The following SLC41A3 variants were observed in gnomAD, a reference collection of about 807,000 sequenced individuals.
The protein encoded by SLC41A3 is SLC41A1-like 2.
SLC41A3 carries 44 observed loss-of-function variants against 45.4 expected under a neutral mutation model. The ratio of observed to expected loss-of-function variants is 0.97; its 90% CI spans 0.76 to 1.25. SLC41A3 has a LOEUF of 1.25. SLC41A3 is among the 50% of genes most tolerant of loss of function. The pLI, the probability that SLC41A3 is intolerant of heterozygous loss-of-function variation, is 0.00. For synonymous variants in SLC41A3, 256 were observed against 252.4 expected, an observed-to-expected ratio of 1.01 and a Z score of -0.13; for missense variants, 550 against 600.6, an observed-to-expected ratio of 0.92 and a Z score of 0.88.
intron 3 of SLC41A3, among the ~76,000 whole-genome samples, chr3:126,038,555 G>T (rs1021851430): frequency 6.6e-6 from 1 of 152,208 alleles, no homozygotes; most frequent in African/African-American, 2.4e-5. Context: ...GGGGCCTGTT[G>T]TTCCTTTCTT....
Position 126,022,886 on chromosome 3 carries a change from G to A in SLC41A3, c.645C>T (p.Val215=). The change falls in exon 6 of 11, where the codon GTC becomes GTT. Residue 215 remains valine, a synonymous_variant. Transcript: ENST00000360370. Reference sequence around the variant, plus strand: ...TGGGCGTGGCAATGTTGTCTGGGTTGACCCCGAGCTTTCGAGCACCAATCA... The same window carrying A: ...TGGGCGTGGCAATGTTGTCTGGGTTAACCCCGAGCTTTCGAGCACCAATCA... ...CIVIGARKLG[V]NPDNIATPIA... is the part of the protein sequence containing the mutation. 1 of 1,614,218 alleles carries A rather than the reference G, an allele frequency of 6.2e-7. No individual in the cohort carries two copies. The highest frequency in any genetic ancestry group is 8.5e-7 in the Non-Finnish European group (1 of 1,180,048).
intron 6 of SLC41A3, among the ~76,000 whole-genome samples, chr3:126,018,260 A>G (rs953038352): frequency 6.6e-6 from 1 of 152,218 alleles, no homozygotes; most frequent in Non-Finnish European, 1.5e-5. Context: ...AGCACACGGT[A>G]CAGCCTGGGG....
At chr3:126,070,566 T>C (rs1193395659) in intron 1 of SLC41A3, 1 of 152,158 alleles carries the variant, frequency 6.6e-6, no homozygotes, top group African/African-American at 2.4e-5. Context: ...TCATCAGAAA[T>C]AGAAGCCAGA....
At chr3:126,060,439 T>TACACACACACACACACACACAC (rs60317078) in intron 2 of SLC41A3, among the ~76,000 whole-genome samples, 18,014 of 146,076 alleles carry the variant, frequency 0.12, 1,200 homozygotes, top group Middle Eastern at 0.18. Context: ...GTGAGAAGGA[T>TACACACACACACACACACACAC]ACACACACAC....
chr3:126,020,340 T>G (rs1157859220), intron 6 of SLC41A3, among the ~76,000 whole-genome samples: 1 of 152,156 alleles, frequency 6.6e-6, no homozygotes, highest in Non-Finnish European at 1.5e-5. Flanking sequence ...GAAATGCTTT[T>G]GGGCCTTTTC....
chr3:126,056,544 G>T, intron 2 of SLC41A3: 1 of 1,613,588 alleles, frequency 6.2e-7, no homozygotes, highest in South Asian at 1.1e-5. Flanking sequence ...TCAGCTGGGT[G>T]ACCACCATGG....
At chr3:126,056,817 G>A (rs1943699700) in intron 2 of SLC41A3, 2 of 1,293,158 alleles carry the variant, frequency 1.5e-6, no homozygotes, top group Non-Finnish European at 2.0e-6. Flanking sequence ...CCTCCCTGAA[G>A]GTCAGGCTCT....
At chr3:126,057,410 G>A (rs1313604414) in intron 2 of SLC41A3, among the ~76,000 whole-genome samples, 2 of 152,220 alleles carry the variant, frequency 1.3e-5, no homozygotes, top group East Asian at 3.9e-4. Context: ...CTGGGGTTCT[G>A]TTGTTGGGTG....
At chr3:126,008,504 G>A (rs1315755523) in intron 10 of SLC41A3, among the ~76,000 whole-genome samples, 3 of 151,998 alleles carry the variant, frequency 2.0e-5, no homozygotes, top group Non-Finnish European at 4.4e-5. Context: ...GGTGTGGAGT[G>A]TGTGGGATGC....
rs564088592 is a variant in SLC41A3, at chr3:126,028,085, G to A, written c.454-1606C>T. ...TGGAAAATTTGCAGCCTGGCCATGC[G>A]GTAGAAAAGGCAAACCCACTTTCAG... On this transcript the variant is annotated intron_variant, in intron 4 of 10. Coordinates refer to ENST00000360370, the MANE Select transcript of SLC41A3 (RefSeq NM_017836.4). 3.0e-4 allele frequency among the ~76,000 whole-genome samples: 46 copies of A among 152,186 alleles called. 1 individual carries two copies. The highest frequency in any genetic ancestry group is 4.7e-4 in the Non-Finnish European group (32 of 68,030).
intron 3 of SLC41A3, among the ~76,000 whole-genome samples, chr3:126,033,919 A>C (rs1178647581): frequency 9.1e-6 from 1 of 109,974 alleles, no homozygotes; most frequent in Non-Finnish European, 1.8e-5. Flanking sequence ...TCAGTCCTCC[A>C]TGACCATGCA....
intron 3 of SLC41A3, among the ~76,000 whole-genome samples, chr3:126,044,328 GAAGA>G (rs1394914646): frequency 2.6e-5 from 4 of 152,288 alleles, no homozygotes; most frequent in African/African-American, 7.2e-5. Context: ...TGACAGAACT[GAAGA>G]AAGAAACAGA....
intron 5 of SLC41A3, among the ~76,000 whole-genome samples, chr3:126,025,996 G>A (rs1464976267): frequency 6.6e-6 from 1 of 152,228 alleles, no homozygotes; most frequent in African/African-American, 2.4e-5. Flanking sequence ...CAGGCTGACT[G>A]CACAGATGAA....
chr3:126,010,579 T>C (rs1939604118), intron 9 of SLC41A3, among the ~76,000 whole-genome samples: 1 of 152,168 alleles, frequency 6.6e-6, no homozygotes, highest in Admixed American at 6.5e-5. Context: ...CAACAAACTC[T>C]ATTCCAACAA....
chr3:126,065,013 A>G (rs1055970113), intron 2 of SLC41A3, among the ~76,000 whole-genome samples: 1 of 152,244 alleles, frequency 6.6e-6, no homozygotes, highest in Non-Finnish European at 1.5e-5. Context: ...AAGGGCCACA[A>G]GGCAAGACGT....
At chr3:126,048,190 T>A (rs986648928) in intron 3 of SLC41A3, among the ~76,000 whole-genome samples, 1 of 152,200 alleles carries the variant, frequency 6.6e-6, no homozygotes, top group South Asian at 2.1e-4. Context: ...GAAAGAGAAT[T>A]GATAACTTTA....
chr3:126,045,997 A>G (rs1942933405), intron 3 of SLC41A3, among the ~76,000 whole-genome samples: 1 of 152,120 alleles, frequency 6.6e-6, no homozygotes, highest in Non-Finnish European at 1.5e-5. Context: ...ATGGGGGGAA[A>G]AAAAACCACA....
intron 3 of SLC41A3, among the ~76,000 whole-genome samples, chr3:126,040,283 C>T (rs1434163847): frequency 6.6e-6 from 1 of 152,184 alleles, no homozygotes; most frequent in Non-Finnish European, 1.5e-5. Flanking sequence ...TCCAGCATCA[C>T]AGGATTCATT....
chr3:126,057,243 G>GA (rs1451882826), intron 2 of SLC41A3: 3 of 867,880 alleles, frequency 3.5e-6, no homozygotes, highest in Middle Eastern at 5.8e-4. Flanking sequence ...TGTGTTCACA[G>GA]AAAAAAACGC....
Sources: allele counts gnomAD v4.1 joint callset (sites outside exome capture counted in the v4.1 genomes callset), GRCh38; gene constraint gnomAD v4.1.1; transcripts MANE v1.5; gene names NCBI Gene and HGNC (gene_info 2026-07-23, HGNC 2026-07-21).